CMSS1: variants seen among roughly 807,000 people sequenced by gnomAD.
The protein encoded by CMSS1 is protein CMSS1.
A neutral mutation model predicts 43.5 loss-of-function variants in CMSS1; 33 were observed. The observed-to-expected ratio is 0.76, with a 90% CI of 0.57 to 1.01. The LOEUF (loss-of-function observed/expected upper bound fraction) is 1.01, where lower values mean the gene tolerates loss of function less well. Among genes scored for constraint, CMSS1 ranks in the 50% least tolerant of loss-of-function variants. CMSS1 has a pLI of 0.00. For synonymous variants in CMSS1, 115 were observed against 117.2 expected, an observed-to-expected ratio of 0.98 and a Z score of 0.12; for missense variants, 313 against 326.4, an observed-to-expected ratio of 0.96 and a Z score of 0.32.
At chr3:99,958,587 A>G (rs1708405530) in intron 1 of CMSS1, among the ~76,000 whole-genome samples, 1 of 152,186 alleles carries the variant, frequency 6.6e-6, no homozygotes, top group East Asian at 1.9e-4. Context: ...GTCTACGGTT[A>G]GTAGAATTAG....
chr3:99,885,890 C>A (rs1705879762), intron 1 of CMSS1, among the ~76,000 whole-genome samples: 1 of 152,186 alleles, frequency 6.6e-6, no homozygotes, highest in Admixed American at 6.5e-5. Flanking sequence ...AATGGGGAAT[C>A]TATTTCCCAA....
In CMSS1 at chr3:100,166,397, A is replaced by T. The variant is rs1216876486; in HGVS notation, c.415+3A>T. 25 of 1,557,644 alleles carry T rather than the reference A, an allele frequency of 1.6e-5. No homozygotes were observed. The highest frequency in any genetic ancestry group is 2.2e-5 in the Non-Finnish European group (25 of 1,129,558). On this transcript the variant is annotated splice_donor_region_variant and intron_variant, in intron 5 of 9. Transcript: ENST00000421999. ...TCTTTCCTCATACCTAAAAGAAAGTAAGTAAACTCTGATTTTAATCTATTT... is the reference window on the plus strand; with the variant it reads ...TCTTTCCTCATACCTAAAAGAAAGTTAGTAAACTCTGATTTTAATCTATTT...
intron 1 of CMSS1, among the ~76,000 whole-genome samples, chr3:99,982,251 T>A (rs1203548911): frequency 3.3e-5 from 5 of 152,210 alleles, no homozygotes; most frequent in African/African-American, 1.2e-4. Flanking sequence ...TTTATGCCTG[T>A]CATGCTTATA....
At chr3:100,171,480 A>G (rs112346062) in intron 6 of CMSS1, among the ~76,000 whole-genome samples, 20 of 152,220 alleles carry the variant, frequency 1.3e-4, no homozygotes, top group African/African-American at 4.6e-4. Context: ...CAAATTTTGT[A>G]TGAGAACTGC....
rs115626590 is a variant in CMSS1 at position 100,034,383 on chromosome 3, G to A, written c.65-112590G>A. ...ACAATGTGCAGGCTGCAGAATGTTA[G>A]CATTCTGATTATGGCCAGATGTAAT... On this transcript the variant is annotated intron_variant, in intron 1 of 9. Coordinates refer to ENST00000421999, the MANE Select transcript of CMSS1 (RefSeq NM_032359.4). 5.7e-3 allele frequency among the ~76,000 whole-genome samples: 874 copies of A among 152,274 alleles called. 11 individuals are homozygous for A. Among genetic ancestry groups the A allele is most frequent in the African/African-American group, 0.016 (674 of 41,550 alleles).
intron 1 of CMSS1, among the ~76,000 whole-genome samples, chr3:99,931,529 T>C (rs1707482591): frequency 6.6e-6 from 1 of 152,218 alleles, no homozygotes. Context: ...AAAAGTGCAT[T>C]AGGACAGAAA....
chr3:99,902,146 G>C (rs1706457376), intron 1 of CMSS1, among the ~76,000 whole-genome samples: 1 of 152,108 alleles, frequency 6.6e-6, no homozygotes, highest in African/African-American at 2.4e-5. Flanking sequence ...TGTTATATTA[G>C]ACATTTGTGG....
intron 1 of CMSS1, among the ~76,000 whole-genome samples, chr3:100,116,422 T>C (rs780335465): frequency 6.6e-6 from 1 of 152,214 alleles, no homozygotes. Flanking sequence ...CTCATGTTTT[T>C]CTGAGTACTT....
chr3:100,160,180 C>G (rs2067011202), intron 2 of CMSS1, among the ~76,000 whole-genome samples: 1 of 152,204 alleles, frequency 6.6e-6, no homozygotes, highest in Non-Finnish European at 1.5e-5. Context: ...TATACACTCA[C>G]TCACAATTTG....
In CMSS1 at chr3:100,176,396, G is replaced by C. The variant is rs750977933; in HGVS notation, c.737G>C (p.Arg246Thr). The part of the protein sequence containing the change: ...DWNWRDQKLR[R>T]MMDIPEIRKE... Reference sequence around the variant, plus strand: ...AACTGGAGAGATCAGAAGTTGAGGAGAATGATGGACATTCCCGAGGTACCA... The same window carrying C: ...AACTGGAGAGATCAGAAGTTGAGGACAATGATGGACATTCCCGAGGTACCA... The change falls in exon 9 of 10, where the codon AGA (arginine) becomes ACA (threonine). Residue 246 changes from arginine to threonine, a missense_variant. By Grantham distance (71) the Arg-to-Thr change is moderately conservative (BLOSUM62 -1). Transcript: ENST00000421999. 31 of 1,612,946 alleles carry C rather than the reference G, an allele frequency of 1.9e-5. No individual in the cohort carries two copies. In the Admixed American group the frequency reaches 5.0e-4, roughly 26 times the overall value.
intron 1 of CMSS1, among the ~76,000 whole-genome samples, chr3:100,031,116 G>T (rs1576655611): frequency 1.3e-5 from 2 of 151,994 alleles, no homozygotes; most frequent in East Asian, 3.9e-4. Flanking sequence ...CTATAATTTA[G>T]AACATATTTT....
At position 100,123,686 on chromosome 3, in the gene CMSS1, C is replaced by T. The variant is rs545793045; in HGVS notation, c.65-23287C>T. 7.9e-5 allele frequency among the ~76,000 whole-genome samples: 12 copies of T among 152,256 alleles called. No individual in the cohort carries two copies. In the South Asian group the frequency reaches 1.7e-3, roughly 21 times the overall value. On this transcript the variant is annotated intron_variant, in intron 1 of 9. Transcript: ENST00000421999. ...AGCCTATCATTAATTTTCCTTCACA[C>T]GGCTCTTCCTCTAAAGGCCAAAAGC... is the stretch of plus-strand genomic sequence containing the variant.
chr3:99,951,315 A>G (rs1236328422), intron 1 of CMSS1, among the ~76,000 whole-genome samples: 9 of 152,056 alleles, frequency 5.9e-5, no homozygotes, highest in African/African-American at 4.8e-5. Context: ...ACTTACATCT[A>G]TATTATTATC....
chr3:100,133,833 AC>A (rs1369939354), intron 1 of CMSS1, among the ~76,000 whole-genome samples: 1 of 152,242 alleles, frequency 6.6e-6, no homozygotes, highest in Non-Finnish European at 1.5e-5. Flanking sequence ...CCTAAGCTAT[AC>A]CCAAAAACTC....
At chr3:99,876,303 C>T in intron 1 of CMSS1, 1 of 653,632 alleles carries the variant, frequency 1.5e-6, no homozygotes, top group Non-Finnish European at 1.9e-6. Flanking sequence ...GGCGGCGGCG[C>T]AGCCACACAC....
chr3:99,854,658 G>A (rs764065707), intron 1 of CMSS1, among the ~76,000 whole-genome samples: 19 of 140,574 alleles, frequency 1.4e-4, no homozygotes, highest in African/African-American at 5.0e-4. Context: ...AATTAAAAAT[G>A]TTTCCAGACA....
chr3:100,158,595 A>C (rs964840055), intron 2 of CMSS1, among the ~76,000 whole-genome samples: 16 of 152,236 alleles, frequency 1.1e-4, no homozygotes, highest in African/African-American at 3.9e-4. Flanking sequence ...CAGCCAGCTA[A>C]AGTAACTAGT....
At chr3:100,115,493 T>A (rs754570516) in intron 1 of CMSS1, among the ~76,000 whole-genome samples, 10 of 152,072 alleles carry the variant, frequency 6.6e-5, no homozygotes, top group Admixed American at 3.9e-4. Flanking sequence ...TTCCATATGC[T>A]CTTCACTAAG....
chr3:100,030,309 G>A (rs1199471808), intron 1 of CMSS1, among the ~76,000 whole-genome samples: 2 of 152,152 alleles, frequency 1.3e-5, no homozygotes, highest in Non-Finnish European at 1.5e-5. Flanking sequence ...CCAGAAGTCA[G>A]TGATCAGGCC....
Sources: allele counts gnomAD v4.1 joint callset (sites outside exome capture counted in the v4.1 genomes callset), GRCh38; gene constraint gnomAD v4.1.1; transcripts MANE v1.5; gene names NCBI Gene and HGNC (gene_info 2026-07-23, HGNC 2026-07-21).